Variants in GLE1 observed in about 807,000 individuals in gnomAD.
GLE1 encodes GLE1 RNA export mediator.
In GLE1, 78 loss-of-function variants were observed where a neutral mutation model predicts 97.3. The observed-to-expected ratio is 0.80, with a 90% CI of 0.67 to 0.97. The LOEUF is 0.97. Ranked by LOEUF, GLE1 falls within the 50% of genes least tolerant of loss-of-function variation. The pLI, the probability that GLE1 is intolerant of heterozygous loss-of-function variation, is 0.00. For synonymous variants in GLE1, 302 were observed against 313.4 expected (o/e 0.96, Z 0.39); for missense variants, 753 against 857.5 (o/e 0.88, Z 1.52).
intron 3 of GLE1, among the ~76,000 whole-genome samples, chr9:128,516,276 A>G (rs1483066962): frequency 6.6e-6 from 1 of 150,754 alleles, no homozygotes; most frequent in Non-Finnish European, 1.5e-5. Context: ...AGCCTCTTGA[A>G]AAAATAGCAG....
chr9:128,536,577 G>A (rs1483093447), intron 12 of GLE1, 93 bp downstream of exon 12: 1 of 1,140,294 alleles, frequency 8.8e-7, no homozygotes, highest in Non-Finnish European at 1.3e-6. Flanking sequence ...CTTTCAGAGA[G>A]CCAGTCTAGT....
intron 2 of GLE1, among the ~76,000 whole-genome samples, chr9:128,514,338 CAAAAAAAAAAA>C (rs1174493216): frequency 2.2e-5 from 2 of 91,548 alleles, no homozygotes; most frequent in African/African-American, 7.8e-5. Context: ...GATCTTGTTT[CAAAAAAAAAAA>C]AAAAAAAAAA....
chr9:128,514,967 C>T (rs1448598470), intron 2 of GLE1, among the ~76,000 whole-genome samples: 2 of 151,494 alleles, frequency 1.3e-5, no homozygotes, highest in Non-Finnish European at 2.9e-5. Context: ...ATTATAGGTG[C>T]GTGCCACCAC....
At chr9:128,535,934 C>T (rs62584811) in intron 11 of GLE1, among the ~76,000 whole-genome samples, 3,975 of 147,564 alleles carry the variant, frequency 0.027, 86 homozygotes, top group Non-Finnish European at 0.041. Flanking sequence ...CTTGATCATA[C>T]CACTGTACTC....
intron 3 of GLE1, among the ~76,000 whole-genome samples, chr9:128,519,597 T>G (rs1847081968): frequency 6.6e-6 from 1 of 152,226 alleles, no homozygotes; most frequent in African/African-American, 2.4e-5. Flanking sequence ...TAAGATGTTA[T>G]CAATGACAGT....
intron 9 of GLE1, among the ~76,000 whole-genome samples, chr9:128,530,547 A>C (rs936111025): frequency 6.6e-6 from 1 of 152,204 alleles, no homozygotes; most frequent in African/African-American, 2.4e-5. Flanking sequence ...CAGACACAGA[A>C]CATGCTCTAG....
Position 128,533,895 on chromosome 9 carries a change from C to A in GLE1, c.1590C>A (p.Tyr530Ter). ...CTCATCTACATAAGAAGTGTCCTTA[C>A]TCTGTTCCTTTCTATCCCACTTTCA... ...ILAHLHKKCP[Y>*]SVPFYPTFKE... The change falls in exon 11 of 16, where the codon TAC becomes TAA. Residue 530 changes from tyrosine to a stop codon, truncating the protein, a stop_gained. Transcript: ENST00000309971. LOFTEE classifies it high-confidence loss of function. 1 of 1,613,562 alleles carries A rather than the reference C, an allele frequency of 6.2e-7. No individual in the cohort carries two copies. Among genetic ancestry groups the A allele is most frequent in the Non-Finnish European group, 8.5e-7 (1 of 1,179,492 alleles).
At chr9:128,529,060 A>G (rs1847399794) in intron 9 of GLE1, 2 of 152,246 alleles carry the variant, frequency 1.3e-5, no homozygotes, top group South Asian at 2.1e-4. Context: ...CAAAACTTAC[A>G]TATGACTTTG....
At chr9:128,535,589 G>A (rs147075485) in intron 11 of GLE1, among the ~76,000 whole-genome samples, 5,629 of 150,420 alleles carry the variant, frequency 0.037, 194 homozygotes, top group East Asian at 0.15. Context: ...GTGAGGCTGA[G>A]GCGGGCAGAT....
intron 3 of GLE1, among the ~76,000 whole-genome samples, chr9:128,520,627 T>C (rs556585289): frequency 7.9e-5 from 12 of 152,014 alleles, no homozygotes; most frequent in Admixed American, 2.6e-4. Context: ...GTCTTGAGAC[T>C]CTGCAGTTCG....
Position 128,515,574 on chromosome 9 carries a change from T to C in GLE1, c.367T>C (p.Ser123Pro). The C allele has an allele frequency of 6.2e-7, 1 of 1,609,222 alleles. No homozygotes were observed. Among genetic ancestry groups the C allele is most frequent in the Admixed American group, 1.7e-5 (1 of 60,014 alleles). Residue 123 changes from serine (S) to proline (P), a missense_variant, in exon 3 of 16, where the codon TCA (serine) becomes CCA (proline). Coordinates refer to ENST00000309971, the MANE Select transcript of GLE1 (RefSeq NM_001003722.2). ...CACAGAATCTATGGTACTTCAGTCCTCACGGGGGATCAAAGTGGAAGGCTG... is the reference window on the plus strand; with the variant it reads ...CACAGAATCTATGGTACTTCAGTCCCCACGGGGGATCAAAGTGGAAGGCTG... ...QHTESMVLQS[S>P]RGIKVEGCVR...
intron 15 of GLE1, 30 bp downstream of exon 15, chr9:128,540,368 C>CA: frequency 6.9e-7 from 1 of 1,448,916 alleles, no homozygotes; most frequent in Non-Finnish European, 9.7e-7. Flanking sequence ...ACATGCCCCA[C>CA]ACTGTTGTTG....
chr9:128,522,635 TAAAAA>T (rs60154464), intron 3 of GLE1, 28 bp from the exon 4 acceptor site: 300 of 1,266,322 alleles, frequency 2.4e-4, no homozygotes, highest in Admixed American at 5.8e-4. Context: ...GATTCCATCT[TAAAAA>T]AAAAAAAAAA....
At chr9:128,528,696 C>A (rs1297740996) in intron 9 of GLE1, among the ~76,000 whole-genome samples, 3 of 152,216 alleles carry the variant, frequency 2.0e-5, no homozygotes, top group Admixed American at 2.0e-4. Context: ...AAACATCACT[C>A]AGGGAACCTA....
chr9:128,539,265 T>C (rs1162189048), intron 13 of GLE1, among the ~76,000 whole-genome samples: 2 of 152,112 alleles, frequency 1.3e-5, no homozygotes, highest in Non-Finnish European at 2.9e-5. Flanking sequence ...GAAGTCACCA[T>C]ACATGAACAA....
intron 9 of GLE1, among the ~76,000 whole-genome samples, chr9:128,531,913 G>A (rs1425087448): frequency 2.0e-5 from 3 of 151,422 alleles, no homozygotes; most frequent in Admixed American, 1.3e-4. Context: ...TGATGTTGCT[G>A]TGGCATGGGG....
chr9:128,525,308 G>A lies in GLE1; in HGVS notation c.1014G>A (p.Arg338=). Residue 338 remains arginine, a synonymous_variant, in exon 7 of 16, where the codon AGG becomes AGA. Coordinates refer to ENST00000309971, the MANE Select transcript of GLE1 (RefSeq NM_001003722.2). The part of the protein sequence containing the change: ...EITRACEDKR[R]QDEEEAQVKL... ...CCAGAGCCTGCGAAGACAAGAGGAG[G>A]CAGGATGAAGAAGAGGCCCAGGTAA... is the stretch of plus-strand genomic sequence containing the variant. The A allele has an allele frequency of 1.2e-6, 2 of 1,614,134 alleles. No individual in the cohort carries two copies. The highest frequency in any genetic ancestry group is 1.7e-6 in the Non-Finnish European group (2 of 1,179,980).
At chr9:128,527,665 TAC>T in intron 9 of GLE1, 140 bp downstream of exon 9, 1 of 702,390 alleles carries the variant, frequency 1.4e-6, no homozygotes, top group Non-Finnish European at 2.6e-6. Flanking sequence ...ATAAGTGACA[TAC>T]ATCTTGTTTC....
At chr9:128,530,337 C>T (rs1442989289) in intron 9 of GLE1, among the ~76,000 whole-genome samples, 1 of 152,184 alleles carries the variant, frequency 6.6e-6, no homozygotes, top group Non-Finnish European at 1.5e-5. Flanking sequence ...GCTGTTTTCT[C>T]TTGAGTAATC....
Sources: gnomAD v4.1 joint callset for allele counts (sites outside exome capture counted in the v4.1 genomes callset) on GRCh38, gnomAD v4.1.1 for gene constraint, MANE v1.5 for transcripts, NCBI Gene and HGNC (gene_info 2026-07-23, HGNC 2026-07-21) for gene names.